ARID4B: variants seen among roughly 807,000 people sequenced by gnomAD.
ARID4B encodes the protein AT-rich interaction domain 4B.
ARID4B carries 26 observed loss-of-function variants against 147.5 expected under a neutral mutation model. The ratio of observed to expected loss-of-function variants is 0.18; its 90% CI spans 0.13 to 0.24. The LOEUF (loss-of-function observed/expected upper bound fraction) is 0.24, where lower values mean the gene tolerates loss of function less well. Ranked by LOEUF, ARID4B falls within the 10% of genes least tolerant of loss-of-function variation. The pLI is 1.00. For missense variants in ARID4B, 1,179 were observed against 1,511.5 expected, an observed-to-expected ratio of 0.78 and a Z score of 3.65; for synonymous variants, 512 against 507.9, an observed-to-expected ratio of 1.01 and a Z score of -0.11.
chr1:235,204,962 T>A (rs3765793), intron 17 of ARID4B, among the ~76,000 whole-genome samples: 71,419 of 152,000 alleles, frequency 0.47, 17,110 homozygotes, highest in South Asian at 0.6. Context: ...GTACTCAAAA[T>A]CTATGGTTAA....
intron 17 of ARID4B, among the ~76,000 whole-genome samples, chr1:235,204,097 G>A (rs1666139301): frequency 6.6e-6 from 1 of 152,148 alleles, no homozygotes; most frequent in Admixed American, 6.5e-5. Context: ...GCCAAGGCAG[G>A]CGGATCATGA....
rs756168076 is a variant in ARID4B at position 235,194,227 on chromosome 1, A to AGGT, written c.1927-17_1927-16insACC. On this transcript the variant is annotated splice_polypyrimidine_tract_variant and intron_variant, in intron 18 of 23. Transcript: ENST00000264183. ...CTAATTTATTCTAGGTTAAGAAAAAAAGTATGTCGTAATTTATCATAAGGC... is the reference window on the plus strand; with the variant it reads ...CTAATTTATTCTAGGTTAAGAAAAAAGGTAGTATGTCGTAATTTATCATAAGGC... 5.8e-6 allele frequency: 9 copies of AGGT among 1,560,758 alleles called. No individual in the cohort carries two copies. In the East Asian group the frequency reaches 2.0e-4, roughly 35 times the overall value.
intron 2 of ARID4B, among the ~76,000 whole-genome samples, chr1:235,311,381 A>G (rs1244325980): frequency 2.1e-5 from 3 of 145,832 alleles, no homozygotes; most frequent in Non-Finnish European, 4.5e-5. Context: ...TAATAATAAT[A>G]ATAATAATAA....
intron 17 of ARID4B, among the ~76,000 whole-genome samples, chr1:235,209,108 A>T (rs1666522526): frequency 6.6e-6 from 1 of 152,226 alleles, no homozygotes; most frequent in Non-Finnish European, 1.5e-5. Flanking sequence ...AAACTTGCCC[A>T]AATGTTAACC....
At chr1:235,176,696 TCATGGCCTTGCTGAG>T (rs987532441) in intron 21 of ARID4B, 22 of 367,950 alleles carry the variant, frequency 6.0e-5, no homozygotes. Flanking sequence ...AGCCTGGCTT[TCATGGCCTTGCTGAG>T]CACAGCCGCC....
chr1:235,256,721 C>T (rs1181035896), intron 4 of ARID4B, among the ~76,000 whole-genome samples: 1 of 152,198 alleles, frequency 6.6e-6, no homozygotes, highest in Non-Finnish European at 1.5e-5. Context: ...GTGGAACTGA[C>T]ATCACTAATC....
intron 8 of ARID4B, among the ~76,000 whole-genome samples, chr1:235,236,856 A>AT (rs1306578173): frequency 2.3e-4 from 8 of 35,090 alleles, no homozygotes; most frequent in Non-Finnish European, 3.8e-4. Flanking sequence ...ATATATATAT[A>AT]TATATATTTT....
intron 2 of ARID4B, among the ~76,000 whole-genome samples, chr1:235,281,349 A>C (rs1213066527): frequency 6.6e-6 from 1 of 152,090 alleles, no homozygotes; most frequent in Non-Finnish European, 1.5e-5. Flanking sequence ...TAAGGAGTTC[A>C]AGACTAGCCT....
intron 2 of ARID4B, among the ~76,000 whole-genome samples, chr1:235,289,634 G>A (rs1672199589): frequency 6.6e-6 from 1 of 151,456 alleles, no homozygotes; most frequent in Non-Finnish European, 1.5e-5. Context: ...TGAGGTGGGA[G>A]GATCACTTGA....
chr1:235,201,081 G>A (rs1374054336), intron 17 of ARID4B, among the ~76,000 whole-genome samples: 2 of 152,120 alleles, frequency 1.3e-5, no homozygotes, highest in African/African-American at 2.4e-5. Flanking sequence ...GGAGGCAGAG[G>A]TGGCAGTGAG....
Position 235,308,926 on chromosome 1 carries a change from C to T in ARID4B, c.6+17988G>A, listed in dbSNP as rs559244849. On this transcript the variant is annotated intron_variant, in intron 2 of 23. Transcript: ENST00000264183. ...TCTGGGAAGTGAGGAGCGTCTCTGCCTGGCCGCCCATCGTCTGGGACGTGA... is the reference window on the plus strand; with the variant it reads ...TCTGGGAAGTGAGGAGCGTCTCTGCTTGGCCGCCCATCGTCTGGGACGTGA... Among the ~76,000 whole-genome samples the T allele has an allele frequency of 1.3e-3, 193 of 152,278 alleles. 1 individual carries two copies. Among genetic ancestry groups the T allele is most frequent in the African/African-American group, 4.5e-3 (189 of 41,552 alleles).
intron 19 of ARID4B, among the ~76,000 whole-genome samples, chr1:235,192,452 A>T (rs1665177828): frequency 6.6e-6 from 1 of 152,196 alleles, no homozygotes; most frequent in Non-Finnish European, 1.5e-5. Flanking sequence ...ATTTGCATGT[A>T]GGATACATGG....
At position 235,231,192 on chromosome 1, in the gene ARID4B, A is replaced by G; in HGVS notation, c.666-3T>C. The G allele has an allele frequency of 6.7e-7, 1 of 1,489,294 alleles. No individual in the cohort carries two copies. The highest frequency in any genetic ancestry group is 9.1e-7 in the Non-Finnish European group (1 of 1,099,350). 92.3% of individuals were successfully genotyped at this position (1,489,294 alleles called of 1,614,324 possible). A position where few individuals can be genotyped will look rare whatever the true frequency, so the allele number is the denominator to read the frequency against. On this transcript the variant is annotated splice_region_variant and splice_polypyrimidine_tract_variant and intron_variant, in intron 9 of 23. Coordinates refer to ENST00000264183, the MANE Select transcript of ARID4B (RefSeq NM_016374.6). ...CATCTTTTCTTGGAACTGAAGTACT[A>G]TATATTTTTTTTAATTATAAGAGAA...
intron 5 of ARID4B, among the ~76,000 whole-genome samples, chr1:235,254,265 A>G (rs1669814234): frequency 6.6e-6 from 1 of 152,124 alleles, no homozygotes; most frequent in Non-Finnish European, 1.5e-5. Flanking sequence ...TGAAAGTTCT[A>G]TCAAACTCTG....
chr1:235,216,655 A>G (rs959742946), intron 16 of ARID4B, among the ~76,000 whole-genome samples: 1 of 152,176 alleles, frequency 6.6e-6, no homozygotes, highest in African/African-American at 2.4e-5. Flanking sequence ...AGATTAAAAT[A>G]TTAACAATGT....
chr1:235,322,850 G>A (rs1418282365), intron 2 of ARID4B, among the ~76,000 whole-genome samples: 1 of 151,928 alleles, frequency 6.6e-6, no homozygotes, highest in Admixed American at 6.6e-5. Context: ...AACTGACAGA[G>A]TGGATAGGGA....
chr1:235,182,040 G>C lies in ARID4B; in HGVS notation c.2879C>G (p.Pro960Arg), dbSNP rs765779279. Residue 960 changes from proline to arginine, a missense_variant, in exon 20 of 24, where the codon CCA (proline) becomes CGA (arginine). By Grantham distance (103) the Pro-to-Arg change is moderately radical. Around this residue, in one of 10 missense-constraint regions of ARID4B, gnomAD observed 357 missense variants for 427.3 expected, o/e 0.84. Transcript: ENST00000264183. Reference protein sequence around the residue: ...EAAASPPHPAPEEGVAEESLQ... With the variant: ...EAAASPPHPAREEGVAEESLQ... ...TGACTCCTCTGCCACCCCCTCCTCT[G>C]GGGCAGGATGCGGTGGGGAAGCTGC... is the stretch of plus-strand genomic sequence containing the variant. 4 of 1,614,078 alleles carry C rather than the reference G, an allele frequency of 2.5e-6. No homozygotes were observed. Among genetic ancestry groups the C allele is most frequent in the Non-Finnish European group, 2.5e-6 (3 of 1,180,018 alleles).
chr1:235,252,837 A>G, intron 5 of ARID4B, 28 bp from the exon 6 acceptor site: 1 of 1,587,152 alleles, frequency 6.3e-7, no homozygotes, highest in Non-Finnish European at 8.6e-7. Context: ...AATGGAAGCT[A>G]CTGAAGGATT....
intron 19 of ARID4B, among the ~76,000 whole-genome samples, chr1:235,185,586 T>C (rs1366344763): frequency 6.6e-6 from 1 of 152,178 alleles, no homozygotes; most frequent in African/African-American, 2.4e-5. Flanking sequence ...TCTTCCTTGG[T>C]TATCTCATCT....
Sources: allele counts gnomAD v4.1 joint callset (sites outside exome capture counted in the v4.1 genomes callset), GRCh38; gene constraint gnomAD v4.1.1; regional missense constraint gnomAD v4.1.1; transcripts MANE v1.5; gene names NCBI Gene and HGNC (gene_info 2026-07-23, HGNC 2026-07-21).